The following SRD5A1 variants were observed in gnomAD, a reference collection of about 807,000 sequenced individuals.
The protein encoded by SRD5A1 is steroid 5 alpha-reductase 1.
In SRD5A1, 22 loss-of-function variants were observed where a neutral mutation model predicts 28.2. The ratio of observed to expected loss-of-function variants is 0.78; its 90% CI spans 0.56 to 1.12. The LOEUF is 1.12. Ranked by LOEUF, SRD5A1 falls within the 50% of genes most tolerant of loss-of-function variation. SRD5A1 has a pLI of 0.00. For missense variants in SRD5A1, 300 were observed against 346.7 expected (o/e 0.87, Z 1.07); for synonymous variants, 151 against 135.0 (o/e 1.12, Z -0.82).
At chr5:6,633,893 C>T (rs1738079438) in intron 1 of SRD5A1, 24 bp downstream of exon 1, 7 of 1,594,546 alleles carry the variant, frequency 4.4e-6, no homozygotes, top group Non-Finnish European at 5.9e-6. Context: ...CCCCCGGCCC[C>T]CTACCCTACT....
chr5:6,666,571 CTG>C (rs908091610), intron 4 of SRD5A1, among the ~76,000 whole-genome samples: 2 of 152,176 alleles, frequency 1.3e-5, no homozygotes, highest in Non-Finnish European at 2.9e-5. Flanking sequence ...AAACAGTCAA[CTG>C]TGCTGGGTTG....
In SRD5A1 at chr5:6,633,804, C is replaced by T. The variant is rs1738070642; in HGVS notation, c.228C>T (p.Ala76=). The T allele has an allele frequency of 3.8e-6, 6 of 1,597,898 alleles. No individual in the cohort carries two copies. In the South Asian group the frequency reaches 5.5e-5, roughly 15 times the overall value. The change falls in exon 1 of 5, where the codon GCC becomes GCT. Residue 76 remains alanine, a synonymous_variant. Transcript: ENST00000274192. ...LPLYQYASES[A]PRLRSAPNCI... ...TCTACCAGTACGCCAGCGAGTCCGC[C>T]CCGCGTCTCCGCAGCGCGCCCAACT...
chr5:6,649,324 C>T (rs569331829), intron 1 of SRD5A1, among the ~76,000 whole-genome samples: 4 of 152,284 alleles, frequency 2.6e-5, no homozygotes, highest in Admixed American at 6.5e-5. Flanking sequence ...CGCCCAGAGC[C>T]GCCCCCTCCC....
chr5:6,651,794 A>AT lies in SRD5A1; in HGVS notation c.294-46dup, dbSNP rs759969365. 58 of 1,522,126 alleles carry AT rather than the reference A, an allele frequency of 3.8e-5. No individual in the cohort carries two copies. The East Asian group carries it at 5.5e-4, about 14-fold the overall frequency. 94.3% of individuals were successfully genotyped at this position (1,522,126 alleles called of 1,614,324 possible). On this transcript the variant is annotated intron_variant, in intron 1 of 4. Coordinates refer to ENST00000274192, the MANE Select transcript of SRD5A1 (RefSeq NM_001047.4). ...CATTTAAGATAGGATTACAGAAATG[A>AT]TTATCTTTAATTTTTTAAAAAATTG...
At chr5:6,637,841 C>T (rs1738242421) in intron 1 of SRD5A1, among the ~76,000 whole-genome samples, 1 of 152,172 alleles carries the variant, frequency 6.6e-6, no homozygotes, top group African/African-American at 2.4e-5. Context: ...TGGGACTTTG[C>T]TTCTGTCTTT....
chr5:6,662,975 T>TA lies in SRD5A1; in HGVS notation c.713+13dup, dbSNP rs1377349985. The TA allele has an allele frequency of 3.7e-6, 6 of 1,613,628 alleles. No homozygotes were observed. In the Admixed American group the frequency reaches 6.7e-5, roughly 18 times the overall value. ...GCAAAAGAGCATCATGAGTAAGTTT[T>TA]AAAACACTTTTACCATTTGTAATTT... On this transcript the variant is annotated intron_variant, in intron 4 of 4. Transcript: ENST00000274192.
chr5:6,655,244 G>A (rs1037850260), intron 2 of SRD5A1, among the ~76,000 whole-genome samples: 1 of 152,168 alleles, frequency 6.6e-6, no homozygotes, highest in African/African-American at 2.4e-5. Flanking sequence ...TTTTAAAAAA[G>A]TATATCAGAA....
At chr5:6,638,936 A>C (rs961959935) in intron 1 of SRD5A1, among the ~76,000 whole-genome samples, 6 of 151,144 alleles carry the variant, frequency 4.0e-5, no homozygotes, top group Non-Finnish European at 8.9e-5. Flanking sequence ...AACCACTCTC[A>C]GTTTTAAACA....
intron 1 of SRD5A1, among the ~76,000 whole-genome samples, chr5:6,638,001 G>C (rs1386464710): frequency 6.6e-6 from 1 of 152,246 alleles, no homozygotes; most frequent in African/African-American, 2.4e-5. Context: ...AGGGAACTTT[G>C]AGGGTGAAGT....
chr5:6,633,803 C>T lies in SRD5A1; in HGVS notation c.227C>T (p.Ala76Val). Residue 76 changes from alanine (A) to valine (V), a missense_variant, in exon 1 of 5, where the codon GCC becomes GTC. Ala to Val is a moderately conservative substitution (Grantham distance 64). Transcript: ENST00000274192. ...CTCTACCAGTACGCCAGCGAGTCCGCCCCGCGTCTCCGCAGCGCGCCCAAC... is the reference window on the plus strand; with the variant it reads ...CTCTACCAGTACGCCAGCGAGTCCGTCCCGCGTCTCCGCAGCGCGCCCAAC... ...LPLYQYASES[A>V]PRLRSAPNCI... 6.3e-7 allele frequency: 1 copy of T among 1,597,882 alleles called. No individual in the cohort carries two copies.
At chr5:6,635,149 A>G (rs772567781) in intron 1 of SRD5A1, among the ~76,000 whole-genome samples, 5 of 152,230 alleles carry the variant, frequency 3.3e-5, no homozygotes, top group South Asian at 2.1e-4. Flanking sequence ...TACCCAGCAC[A>G]GTTTTTGGTA....
At position 6,672,495 on chromosome 5, in the gene SRD5A1, G is replaced by C. The variant is rs11740537; in HGVS notation, c.*4227G>C. The C allele has an allele frequency of 0.19, 28,380 of 152,168 alleles. 3,337 individuals are homozygous for C. Among genetic ancestry groups the C allele is most frequent in the Non-Finnish European group, 0.26 (17,905 of 67,986 alleles). 9.4% of individuals were successfully genotyped at this position (152,168 alleles called of 1,614,324 possible). A position where few individuals can be genotyped will look rare whatever the true frequency, so the allele number is the denominator to read the frequency against. ...TCACCATGTTGTCCAGGCTGGTCTT[G>C]AACTCCTGACCTCAAGTGATCCACC... On this transcript the variant is annotated 3_prime_UTR_variant, in exon 5 of 5. Transcript: ENST00000274192.
At chr5:6,645,014 C>T (rs1384759447) in intron 1 of SRD5A1, 1 of 455,968 alleles carries the variant, frequency 2.2e-6, no homozygotes, top group Non-Finnish European at 4.4e-6. Flanking sequence ...TGCACACTTA[C>T]TGGCCAACAC....
chr5:6,634,270 T>G (rs923829545), intron 1 of SRD5A1, among the ~76,000 whole-genome samples: 9 of 152,186 alleles, frequency 5.9e-5, no homozygotes, highest in African/African-American at 2.2e-4. Context: ...GAGGTTACAG[T>G]GAGCCGAGAT....
chr5:6,666,559 A>C (rs1488448945), intron 4 of SRD5A1, among the ~76,000 whole-genome samples: 1 of 152,260 alleles, frequency 6.6e-6, no homozygotes, highest in African/African-American at 2.4e-5. Context: ...TTTCTAGGTC[A>C]GAAACAGTCA....
At chr5:6,642,910 G>C (rs1738406354) in intron 1 of SRD5A1, among the ~76,000 whole-genome samples, 1 of 152,144 alleles carries the variant, frequency 6.6e-6, no homozygotes, top group African/African-American at 2.4e-5. Flanking sequence ...CCATGAGAGG[G>C]ATTGTCATTC....
At chr5:6,644,221 C>T (rs1315551595) in intron 1 of SRD5A1, among the ~76,000 whole-genome samples, 1 of 152,198 alleles carries the variant, frequency 6.6e-6, no homozygotes, top group East Asian at 1.9e-4. Context: ...TTCCCTTCCT[C>T]TTTTTCACCT....
intron 1 of SRD5A1, 29 bp downstream of exon 1, chr5:6,633,898 C>T (rs1439359313): frequency 6.3e-7 from 1 of 1,592,868 alleles, no homozygotes; most frequent in South Asian, 1.1e-5. Flanking sequence ...GGCCCCCTAC[C>T]CTACTCCCGG....
Position 6,662,807 on chromosome 5 carries a change from T to G in SRD5A1, c.563-9T>G. 1 of 1,611,584 alleles carries G rather than the reference T, an allele frequency of 6.2e-7. No individual in the cohort carries two copies. Among genetic ancestry groups the G allele is most frequent in the East Asian group, 2.2e-5 (1 of 44,882 alleles). On this transcript the variant is annotated splice_polypyrimidine_tract_variant and intron_variant, in intron 3 of 4. Transcript: ENST00000274192. ...TAAATGCACTACTTTGGTCTGTGTT[T>G]TCTTCTAGGAGGCTTATTTGAATAC...
Sources: allele counts gnomAD v4.1 joint callset (sites outside exome capture counted in the v4.1 genomes callset), GRCh38; gene constraint gnomAD v4.1.1; transcripts MANE v1.5; gene names NCBI Gene and HGNC (gene_info 2026-07-23, HGNC 2026-07-21).